Variants in ARID1B observed in about 807,000 individuals in gnomAD.
ARID1B encodes AT-rich interaction domain 1B.
ARID1B carries 30 observed loss-of-function variants against 212.3 expected under a neutral mutation model. The observed-to-expected ratio is 0.14, with a 90% CI of 0.11 to 0.19. The LOEUF is 0.19. Among genes scored for constraint, ARID1B ranks in the 10% least tolerant of loss-of-function variants. The probability of loss-of-function intolerance (pLI) is 1.00; values close to 1 mark genes in which losing one functional copy is unlikely to be tolerated. For missense variants in ARID1B, 2,891 were observed against 3,204.0 expected (o/e 0.90, Z 2.36); for synonymous variants, 1,402 against 1,301.7 (o/e 1.08, Z -1.66).
intron 8 of ARID1B, among the ~76,000 whole-genome samples, chr6:157,164,471 A>G (rs1322984989): frequency 6.6e-6 from 1 of 152,234 alleles, no homozygotes; most frequent in Non-Finnish European, 1.5e-5. Context: ...CCTTAGTATA[A>G]ACAAGTGTCT....
intron 1 of ARID1B, among the ~76,000 whole-genome samples, chr6:156,822,225 A>C (rs762929145): frequency 1.2e-4 from 18 of 152,258 alleles, no homozygotes; most frequent in Non-Finnish European, 2.4e-4. Context: ...CTGTATTGAC[A>C]AAAGAAGAAC....
At chr6:156,824,759 T>C (rs1460244264) in intron 1 of ARID1B, among the ~76,000 whole-genome samples, 1 of 152,038 alleles carries the variant, frequency 6.6e-6, no homozygotes, top group Non-Finnish European at 1.5e-5. Flanking sequence ...AGCGAGACCC[T>C]GTCTCAGAAA....
chr6:156,950,333 C>T (rs1208052763), intron 4 of ARID1B, among the ~76,000 whole-genome samples: 1 of 152,164 alleles, frequency 6.6e-6, no homozygotes, highest in African/African-American at 2.4e-5. Context: ...AGCAACCAGC[C>T]ATGAAGGATA....
At chr6:156,864,178 T>C (rs947199336) in intron 2 of ARID1B, among the ~76,000 whole-genome samples, 1 of 152,246 alleles carries the variant, frequency 6.6e-6, no homozygotes, top group African/African-American at 2.4e-5. Flanking sequence ...CAAAGCCTTA[T>C]GTACTTAAAG....
intron 5 of ARID1B, among the ~76,000 whole-genome samples, chr6:157,105,347 A>G (rs1220463411): frequency 6.6e-6 from 1 of 152,196 alleles, no homozygotes; most frequent in Non-Finnish European, 1.5e-5. Context: ...TTTCCGCTAC[A>G]AAAGACACCG....
chr6:156,837,233 A>C (rs1783574686), intron 2 of ARID1B, among the ~76,000 whole-genome samples: 1 of 152,232 alleles, frequency 6.6e-6, no homozygotes, highest in South Asian at 2.1e-4. Context: ...TGTAGAGTGC[A>C]GTCTGTCCTT....
At chr6:157,074,537 A>G (rs745784039) in intron 4 of ARID1B, among the ~76,000 whole-genome samples, 6 of 152,150 alleles carry the variant, frequency 3.9e-5, no homozygotes, top group African/African-American at 1.2e-4. Context: ...TTTACAGATT[A>G]TTGATCAGAG....
intron 7 of ARID1B, among the ~76,000 whole-genome samples, chr6:157,139,071 A>C (rs1311063196): frequency 6.6e-6 from 1 of 152,216 alleles, no homozygotes; most frequent in Non-Finnish European, 1.5e-5. Context: ...CCTGGGAATT[A>C]GGGAGAAAAA....
At chr6:157,184,574 T>C in intron 13 of ARID1B, 139 bp downstream of exon 13, 2 of 998,070 alleles carry the variant, frequency 2.0e-6, no homozygotes, top group Non-Finnish European at 3.0e-6. Context: ...GTCGTTTTGT[T>C]TATTTAATTG....
chr6:156,993,070 GTCTC>G (rs1446428053), intron 4 of ARID1B, among the ~76,000 whole-genome samples: 1 of 146,404 alleles, frequency 6.8e-6, no homozygotes, highest in African/African-American at 2.6e-5. Context: ...TTAAGATGGA[GTCTC>G]TCTCTGTGGC....
intron 4 of ARID1B, among the ~76,000 whole-genome samples, chr6:156,982,493 A>G (rs1485028854): frequency 2.0e-5 from 3 of 150,534 alleles, no homozygotes; most frequent in Admixed American, 6.6e-5. Context: ...TTTTGGGGCA[A>G]TTATCTTATA....
chr6:157,162,983 G>T (rs1273047728), intron 8 of ARID1B, among the ~76,000 whole-genome samples: 1 of 152,214 alleles, frequency 6.6e-6, no homozygotes, highest in Non-Finnish European at 1.5e-5. Context: ...GAGCCCAAGG[G>T]TCTGGGGGGA....
chr6:156,940,680 A>G (rs1431450225), intron 4 of ARID1B: 2 of 152,216 alleles, frequency 1.3e-5, no homozygotes, highest in African/African-American at 4.8e-5. Context: ...CTTTAATGAC[A>G]CTTACGTTGG....
At chr6:156,834,877 A>G (rs956246778) in intron 2 of ARID1B, among the ~76,000 whole-genome samples, 2 of 152,198 alleles carry the variant, frequency 1.3e-5, no homozygotes, top group Non-Finnish European at 2.9e-5. Flanking sequence ...TCTGCTTCCA[A>G]GTAGATAGCA....
chr6:156,929,471 T>A (rs918368422), intron 3 of ARID1B, among the ~76,000 whole-genome samples: 4 of 152,112 alleles, frequency 2.6e-5, no homozygotes, highest in African/African-American at 9.7e-5. Flanking sequence ...CACCCTCACA[T>A]GTTGGGGATA....
At position 157,004,890 on chromosome 6, in the gene ARID1B, C is replaced by CTTTTTTGTTT. The variant is rs1779118895; in HGVS notation, c.2247+69320_2247+69321insGTTTTTTTTT. On this transcript the variant is annotated intron_variant, in intron 4 of 19. Transcript: ENST00000636930. ...GCATTTCTTTTTTCTTTTTCTTCTT[C>CTTTTTTGTTT]TTTTTTCTTTTTTTTTTTTTTTTTT... Among the ~76,000 whole-genome samples, 23 of 35,694 alleles carry CTTTTTTGTTT rather than the reference C, an allele frequency of 6.4e-4. 7 individuals carry two copies. The highest frequency in any genetic ancestry group is 1.4e-3 in the East Asian group (1 of 728). 23.4% of individuals were successfully genotyped at this position (35,694 alleles called of 152,430 possible).
chr6:157,149,833 G>A (rs1274680613), intron 8 of ARID1B: 1 of 152,234 alleles, frequency 6.6e-6, no homozygotes, highest in Non-Finnish European at 1.5e-5. Flanking sequence ...GCATGTGTGT[G>A]CGTGTGTTTT....
intron 3 of ARID1B, among the ~76,000 whole-genome samples, chr6:156,912,948 TG>T (rs1468659440): frequency 6.6e-6 from 1 of 152,094 alleles, no homozygotes; most frequent in African/African-American, 2.4e-5. Context: ...CCCCATTTGC[TG>T]GTATCCCTTG....
At chr6:157,039,864 CTCTT>C (rs1360635956) in intron 4 of ARID1B, among the ~76,000 whole-genome samples, 1 of 102,060 alleles carries the variant, frequency 9.8e-6, no homozygotes, top group Non-Finnish European at 2.0e-5. Context: ...CTCTTTCTCT[CTCTT>C]TCTCTTTCTT....
Sources: gnomAD v4.1 joint callset for allele counts (sites outside exome capture counted in the v4.1 genomes callset) on GRCh38, gnomAD v4.1.1 for gene constraint, MANE v1.5 for transcripts, NCBI Gene and HGNC (gene_info 2026-07-23, HGNC 2026-07-21) for gene names.